The following KCNH1 variants were observed in gnomAD, a reference collection of about 807,000 sequenced individuals.
KCNH1 encodes voltage-gated delayed rectifier potassium channel KCNH1.
A neutral mutation model predicts 69.2 loss-of-function variants in KCNH1; 27 were observed. The ratio of observed to expected loss-of-function variants is 0.39; its 90% CI spans 0.29 to 0.54. The LOEUF (loss-of-function observed/expected upper bound fraction) is 0.54. Ranked by LOEUF, KCNH1 falls within the 20% of genes least tolerant of loss-of-function variation. The pLI, the probability that KCNH1 is intolerant of heterozygous loss-of-function variation, is 0.68. For synonymous variants in KCNH1, 456 were observed against 487.7 expected, an observed-to-expected ratio of 0.93 and a Z score of 0.86; for missense variants, 798 against 1,261.6, an observed-to-expected ratio of 0.63 and a Z score of 5.57.
intron 5 of KCNH1, among the ~76,000 whole-genome samples, chr1:211,040,647 G>A (rs1157586724): frequency 2.6e-5 from 4 of 152,042 alleles, no homozygotes; most frequent in African/African-American, 4.8e-5. Flanking sequence ...AAAATTTTTC[G>A]TGTCCAGTAA....
At chr1:210,850,028 G>C (rs1034146201) in intron 7 of KCNH1, among the ~76,000 whole-genome samples, 11 of 152,002 alleles carry the variant, frequency 7.2e-5, no homozygotes, top group African/African-American at 2.7e-4. Flanking sequence ...GAAAATTTTA[G>C]CATCTCCTTC....
intron 4 of KCNH1, among the ~76,000 whole-genome samples, chr1:211,083,430 T>TG (rs1558597588): frequency 6.6e-6 from 1 of 152,214 alleles, no homozygotes; most frequent in Non-Finnish European, 1.5e-5. Flanking sequence ...TTTCAACCCC[T>TG]GGGTAGGTGG....
intron 7 of KCNH1, among the ~76,000 whole-genome samples, chr1:210,882,943 CTG>C (rs1349563050): frequency 6.6e-6 from 1 of 152,096 alleles, no homozygotes; most frequent in African/African-American, 2.4e-5. Context: ...AACATAAAAA[CTG>C]TGAAAAAGAC....
chr1:210,982,087 C>G (rs1458475590), intron 6 of KCNH1, among the ~76,000 whole-genome samples: 1 of 152,040 alleles, frequency 6.6e-6, no homozygotes, highest in Non-Finnish European at 1.5e-5. Context: ...AATCTTTAGT[C>G]CACCAGCAAT....
chr1:211,039,927 C>T (rs549150680), intron 5 of KCNH1, among the ~76,000 whole-genome samples: 51 of 152,214 alleles, frequency 3.4e-4, no homozygotes, highest in South Asian at 4.2e-4. Flanking sequence ...CGGTGGCTCA[C>T]GCCTGTAATC....
chr1:210,803,773 T>C (rs1212435277), intron 8 of KCNH1, among the ~76,000 whole-genome samples, 194 bp downstream of exon 8: 2 of 152,296 alleles, frequency 1.3e-5, no homozygotes, highest in East Asian at 3.9e-4. Flanking sequence ...TTCTTAATGA[T>C]GTTTTATTGT....
chr1:210,850,382 G>A (rs764437525), intron 7 of KCNH1, among the ~76,000 whole-genome samples: 75 of 152,018 alleles, frequency 4.9e-4, no homozygotes, highest in African/African-American at 1.3e-3. Flanking sequence ...GTGGTGGCGC[G>A]CACCTGTAGC....
chr1:210,862,048 G>T, intron 7 of KCNH1: 1 of 788,370 alleles, frequency 1.3e-6, no homozygotes, highest in Non-Finnish European at 2.3e-6. Context: ...AATAGTATAA[G>T]GGGATATATA....
chr1:211,133,758 G>T lies in KCNH1; in HGVS notation c.79+109C>A. ...TGGGTGCCCGCGCCGCGGCTCCTTA[G>T]CAGAGCTCGCGGGTTCTGCTGCATC... On this transcript the variant is annotated intron_variant, in intron 1 of 10. Coordinates refer to ENST00000271751, the MANE Select transcript of KCNH1 (RefSeq NM_172362.3). This position sits in a 1 kb window ranked among gnomAD's most constrained non-coding sequence, Gnocchi z 5.4. 1.9e-6 allele frequency: 2 copies of T among 1,028,570 alleles called. No homozygotes were observed. Among genetic ancestry groups the T allele is most frequent in the Non-Finnish European group, 2.9e-6 (2 of 682,814 alleles). The allele number at this position is 1,028,570 out of a possible 1,614,324, so 63.7% of individuals were successfully genotyped here.
At chr1:210,986,382 T>G (rs959242630) in intron 6 of KCNH1, among the ~76,000 whole-genome samples, 4 of 152,216 alleles carry the variant, frequency 2.6e-5, no homozygotes, top group Non-Finnish European at 5.9e-5. Flanking sequence ...CTAGCCTTGA[T>G]GGTCTTTACA....
At chr1:210,853,104 A>G (rs1574296873) in intron 7 of KCNH1, among the ~76,000 whole-genome samples, 1 of 152,330 alleles carries the variant, frequency 6.6e-6, no homozygotes, top group South Asian at 2.1e-4. Context: ...TTTGGCGGCT[A>G]TGGTAAAAAA....
At chr1:210,906,154 AT>A (rs1687097847) in intron 7 of KCNH1, among the ~76,000 whole-genome samples, 1 of 152,204 alleles carries the variant, frequency 6.6e-6, no homozygotes, top group Non-Finnish European at 1.5e-5. Context: ...AAAGGTCAGC[AT>A]GTGACCTCAT....
At chr1:210,819,966 A>C (rs920607546) in intron 7 of KCNH1, among the ~76,000 whole-genome samples, 3 of 152,242 alleles carry the variant, frequency 2.0e-5, no homozygotes, top group African/African-American at 7.2e-5. Flanking sequence ...CATGTGAGGG[A>C]GCCATCTTGG....
chr1:210,683,015 A>G lies in KCNH1; in HGVS notation c.*266T>C. 1 of 443,028 alleles carries G rather than the reference A, an allele frequency of 2.3e-6. No individual in the cohort carries two copies. The highest frequency in any genetic ancestry group is 3.2e-5 in the South Asian group (1 of 31,654). The allele number at this position is 443,028 out of a possible 1,614,324, so 27.4% of individuals were successfully genotyped here. On this transcript the variant is annotated 3_prime_UTR_variant, in exon 11 of 11. Transcript: ENST00000271751. The surrounding 1 kb of genome is among the most constrained non-coding windows in gnomAD (Gnocchi z 5.7). ...GTAGTAAAAAATTAAAAATGAAGGA[A>G]AATACCCTTTAGACAGCATGTCCCT...
intron 6 of KCNH1, among the ~76,000 whole-genome samples, chr1:210,949,200 C>T (rs944435698): frequency 6.6e-6 from 1 of 152,140 alleles, no homozygotes; most frequent in Non-Finnish European, 1.5e-5. Flanking sequence ...CAAAACCGAC[C>T]AACCTCAGAT....
At position 210,767,810 on chromosome 1, in the gene KCNH1, G is replaced by T. The variant is rs536550450; in HGVS notation, c.2112+7538C>A. ...ACTAGCCTTATACTCTTCTAAGCTAGGCCAGATCTTTTCTAATTTGTGGTA... is the reference window on the plus strand; with the variant it reads ...ACTAGCCTTATACTCTTCTAAGCTATGCCAGATCTTTTCTAATTTGTGGTA... On this transcript the variant is annotated intron_variant, in intron 10 of 10. Transcript: ENST00000271751. Among the ~76,000 whole-genome samples the T allele has an allele frequency of 7.9e-5, 12 of 152,284 alleles. No individual in the cohort carries two copies. In the South Asian group the frequency reaches 2.5e-3, roughly 32 times the overall value.
At chr1:210,833,743 A>C (rs1685219567) in intron 7 of KCNH1, among the ~76,000 whole-genome samples, 1 of 152,244 alleles carries the variant, frequency 6.6e-6, no homozygotes, top group Non-Finnish European at 1.5e-5. Flanking sequence ...TAGAGTGAAC[A>C]GGCAACCCAC....
intron 6 of KCNH1, among the ~76,000 whole-genome samples, chr1:210,950,754 T>C (rs993294083): frequency 6.6e-6 from 1 of 152,118 alleles, no homozygotes; most frequent in South Asian, 2.1e-4. Flanking sequence ...GTGACAGATA[T>C]ATCATCTCAT....
intron 5 of KCNH1, among the ~76,000 whole-genome samples, chr1:211,059,756 T>TGA (rs56144734): frequency 0.079 from 11,527 of 146,312 alleles, 566 homozygotes; most frequent in Non-Finnish European, 0.11. Context: ...AAAAAAAGAG[T>TGA]GAGAGAGAGA....
Sources: gnomAD v4.1 joint callset for allele counts (sites outside exome capture counted in the v4.1 genomes callset) on GRCh38, gnomAD v4.1.1 for gene constraint, Gnocchi (gnomAD v3.1) non-coding constraint, MANE v1.5 for transcripts, NCBI Gene and HGNC (gene_info 2026-07-23, HGNC 2026-07-21) for gene names.